Variants in FBXW11 observed in about 807,000 individuals in gnomAD.
FBXW11 encodes F-box and WD repeat domain containing 11.
A neutral mutation model predicts 77.6 loss-of-function variants in FBXW11; 19 were observed. That is an observed-to-expected ratio of 0.24 (90% confidence interval 0.17 to 0.36). The LOEUF is 0.36. FBXW11 is among the 10% of genes least tolerant of loss of function. FBXW11 has a pLI of 1.00. For synonymous variants in FBXW11, 235 were observed against 249.4 expected, an observed-to-expected ratio of 0.94 and a Z score of 0.54; for missense variants, 334 against 704.2, an observed-to-expected ratio of 0.47 and a Z score of 5.95.
intron 1 of FBXW11, among the ~76,000 whole-genome samples, chr5:172,005,968 G>C (rs1346911856): frequency 6.6e-6 from 1 of 152,172 alleles, no homozygotes; most frequent in Non-Finnish European, 1.5e-5. Flanking sequence ...ACAGACCTAG[G>C]CTGGGGAGTG....
intron 1 of FBXW11, among the ~76,000 whole-genome samples, chr5:171,964,433 A>C (rs1764076823): frequency 6.6e-6 from 1 of 152,156 alleles, no homozygotes; most frequent in Admixed American, 6.5e-5. Context: ...GGAGTACATA[A>C]CTCCAGCTCT....
At chr5:171,971,919 G>C (rs567705618) in intron 1 of FBXW11, among the ~76,000 whole-genome samples, 6 of 152,072 alleles carry the variant, frequency 3.9e-5, no homozygotes, top group African/African-American at 1.4e-4. Flanking sequence ...GGGAAGTCGA[G>C]GCTGCAGTGA....
At chr5:171,901,664 C>T (rs935347940) in intron 4 of FBXW11, among the ~76,000 whole-genome samples, 2 of 152,170 alleles carry the variant, frequency 1.3e-5, no homozygotes, top group Non-Finnish European at 2.9e-5. Flanking sequence ...ACAGAAGACG[C>T]CTAAGATGGC....
chr5:171,968,779 T>C (rs1354943303), intron 1 of FBXW11, among the ~76,000 whole-genome samples: 2 of 152,080 alleles, frequency 1.3e-5, no homozygotes, highest in Non-Finnish European at 2.9e-5. Context: ...CCCTAACATC[T>C]AAGACACTAG....
chr5:171,922,196 T>A (rs764952067), intron 2 of FBXW11, among the ~76,000 whole-genome samples: 2 of 152,120 alleles, frequency 1.3e-5, no homozygotes, highest in Non-Finnish European at 2.9e-5. Flanking sequence ...AAAACTGATA[T>A]AGGTCACAGA....
chr5:171,985,272 A>G (rs1765372707), intron 1 of FBXW11, among the ~76,000 whole-genome samples: 2 of 152,168 alleles, frequency 1.3e-5, no homozygotes, highest in African/African-American at 4.8e-5. Context: ...TAATGTTCAC[A>G]GTCACCTCCC....
At chr5:171,937,803 A>C (rs1480142843) in intron 2 of FBXW11, among the ~76,000 whole-genome samples, 1 of 147,874 alleles carries the variant, frequency 6.8e-6, no homozygotes, top group East Asian at 2.1e-4. Flanking sequence ...ACTCCAACTT[A>C]GGTGAGAGAA....
At chr5:171,921,976 T>C (rs529114421) in intron 2 of FBXW11, among the ~76,000 whole-genome samples, 2 of 151,790 alleles carry the variant, frequency 1.3e-5, no homozygotes, top group African/African-American at 4.8e-5. Flanking sequence ...CAGGCTCAAG[T>C]GATCCTCCTG....
intron 1 of FBXW11, among the ~76,000 whole-genome samples, chr5:171,990,573 A>G (rs1168394617): frequency 6.6e-6 from 1 of 152,210 alleles, no homozygotes; most frequent in Non-Finnish European, 1.5e-5. Context: ...AATCATCTAC[A>G]CATGCATCAG....
chr5:171,943,233 A>G (rs1200670048), intron 2 of FBXW11, among the ~76,000 whole-genome samples: 2 of 152,202 alleles, frequency 1.3e-5, no homozygotes, highest in African/African-American at 4.8e-5. Context: ...CATGTAACAT[A>G]AGGCATGGGA....
At chr5:171,936,326 T>TA (rs1188400773) in intron 2 of FBXW11, among the ~76,000 whole-genome samples, 4 of 151,256 alleles carry the variant, frequency 2.6e-5, no homozygotes, top group African/African-American at 4.9e-5. Context: ...ACCCATCTCT[T>TA]AAAAAAATTT....
At chr5:171,866,751 T>C (rs1051029051) in intron 13 of FBXW11, among the ~76,000 whole-genome samples, 4 of 152,198 alleles carry the variant, frequency 2.6e-5, no homozygotes, top group Non-Finnish European at 5.9e-5. Context: ...CTTAGGCTTA[T>C]TGGGAGGGGA....
intron 2 of FBXW11, among the ~76,000 whole-genome samples, chr5:171,915,527 C>T (rs1172039598): frequency 9.9e-5 from 15 of 151,868 alleles, no homozygotes; most frequent in Non-Finnish European, 2.9e-5. Context: ...AAAACTGGCT[C>T]TGATCAGGAA....
intron 2 of FBXW11, among the ~76,000 whole-genome samples, chr5:171,917,389 A>C (rs1761323228): frequency 6.6e-6 from 1 of 152,188 alleles, no homozygotes; most frequent in African/African-American, 2.4e-5. Flanking sequence ...ACAGTGAGAA[A>C]ATTTCACTCT....
intron 7 of FBXW11, among the ~76,000 whole-genome samples, chr5:171,886,825 C>A (rs1434090526): frequency 6.6e-6 from 1 of 151,840 alleles, no homozygotes; most frequent in African/African-American, 2.4e-5. Flanking sequence ...ACCAGCCTGG[C>A]CAGCATAGCG....
chr5:171,924,071 C>A (rs930437020), intron 2 of FBXW11, among the ~76,000 whole-genome samples: 68 of 151,620 alleles, frequency 4.5e-4, no homozygotes, highest in African/African-American at 1.6e-3. Context: ...ACTACAGGCA[C>A]CCGCCACGAC....
At chr5:171,894,141 A>G (rs947121507) in intron 6 of FBXW11, among the ~76,000 whole-genome samples, 2 of 152,092 alleles carry the variant, frequency 1.3e-5, no homozygotes, top group African/African-American at 2.4e-5. Context: ...AGGGTCAGGT[A>G]CATACTCAGC....
chr5:171,927,625 G>A (rs538957952), intron 2 of FBXW11, among the ~76,000 whole-genome samples: 2 of 152,154 alleles, frequency 1.3e-5, no homozygotes, highest in Non-Finnish European at 2.9e-5. Flanking sequence ...TTTAAAACAT[G>A]CTCTTCGGTT....
intron 2 of FBXW11, among the ~76,000 whole-genome samples, chr5:171,925,857 A>C (rs1581210898): frequency 6.6e-6 from 1 of 152,238 alleles, no homozygotes; most frequent in East Asian, 1.9e-4. Context: ...GTGTGCAGAC[A>C]TGTCAAAAAT....
Sources: allele counts gnomAD v4.1 joint callset (sites outside exome capture counted in the v4.1 genomes callset), GRCh38; gene constraint gnomAD v4.1.1; transcripts MANE v1.5; gene names NCBI Gene and HGNC (gene_info 2026-07-23, HGNC 2026-07-21).